PHACTR1: variants seen among roughly 807,000 people sequenced by gnomAD.
PHACTR1 encodes the protein phosphatase and actin regulator 1, also known as RPEL repeat containing 1.
A neutral mutation model predicts 69.2 loss-of-function variants in PHACTR1; 16 were observed. The observed-to-expected ratio is 0.23, with a 90% CI of 0.16 to 0.35. The LOEUF (loss-of-function observed/expected upper bound fraction) is 0.35, where lower values mean the gene tolerates loss of function less well. Among genes scored for constraint, PHACTR1 ranks in the 10% least tolerant of loss-of-function variants. The probability of loss-of-function intolerance (pLI) is 1.00; values close to 1 mark genes in which losing one functional copy is unlikely to be tolerated. For missense variants in PHACTR1, 510 were observed against 734.7 expected, an observed-to-expected ratio of 0.69 and a Z score of 3.54; for synonymous variants, 312 against 284.5, an observed-to-expected ratio of 1.10 and a Z score of -0.97.
chr6:12,799,121 A>G (rs1403208109), intron 4 of PHACTR1, among the ~76,000 whole-genome samples: 1 of 152,246 alleles, frequency 6.6e-6, no homozygotes, highest in Non-Finnish European at 1.5e-5. Context: ...ACTTTTGGGA[A>G]AATGAATATC....
At chr6:13,038,780 G>A (rs1271336142) in intron 4 of PHACTR1, among the ~76,000 whole-genome samples, 1 of 152,144 alleles carries the variant, frequency 6.6e-6, no homozygotes, top group East Asian at 1.9e-4. Flanking sequence ...TCAGTTTAAG[G>A]CTGCTATGTC....
chr6:13,060,480 A>G (rs1807508366), intron 5 of PHACTR1, among the ~76,000 whole-genome samples: 1 of 152,158 alleles, frequency 6.6e-6, no homozygotes, highest in Admixed American at 6.5e-5. Context: ...AATGTGAAAG[A>G]GGCAGTAGAA....
intron 5 of PHACTR1, among the ~76,000 whole-genome samples, chr6:13,077,125 A>T (rs916918554): frequency 6.6e-6 from 1 of 151,416 alleles, no homozygotes; most frequent in Non-Finnish European, 1.5e-5. Context: ...AAAAACACTG[A>T]AGTTGGCTTA....
At chr6:13,199,257 T>A (rs569002185) in intron 7 of PHACTR1, among the ~76,000 whole-genome samples, 1 of 151,750 alleles carries the variant, frequency 6.6e-6, no homozygotes, top group Non-Finnish European at 1.5e-5. Flanking sequence ...CTTGGTGGCG[T>A]GCACCTATAA....
intron 11 of PHACTR1, chr6:13,274,044 C>G (rs574886528): frequency 6.6e-6 from 1 of 152,172 alleles, no homozygotes; most frequent in East Asian, 1.9e-4. Flanking sequence ...GTGACTTGGT[C>G]GGCATTTCGT....
At chr6:12,898,243 A>C (rs1582366043) in intron 4 of PHACTR1, among the ~76,000 whole-genome samples, 1 of 151,874 alleles carries the variant, frequency 6.6e-6, no homozygotes, top group African/African-American at 2.4e-5. Flanking sequence ...CCTGCCCTCT[A>C]CCATTTTCTC....
At position 12,931,004 on chromosome 6, in the gene PHACTR1, A is replaced by G. The variant is rs892809560; in HGVS notation, c.251-122361A>G. Among the ~76,000 whole-genome samples, 3 of 39,526 alleles carry G rather than the reference A, an allele frequency of 7.6e-5. No homozygotes were observed. The African/African-American group carries it at 8.7e-4, about 11-fold the overall frequency. 25.9% of individuals were successfully genotyped at this position (39,526 alleles called of 152,430 possible). A position where few individuals can be genotyped will look rare whatever the true frequency, so the allele number is the denominator to read the frequency against. On this transcript the variant is annotated intron_variant, in intron 4 of 14. Coordinates refer to ENST00000332995, the MANE Select transcript of PHACTR1 (RefSeq NM_030948.6). Reference sequence around the variant, plus strand: ...GGAAACAAGAGCAAAACTCTGTCTCAAAAAAAAAAAAAAAAAAAAAAAGAA... The same window carrying G: ...GGAAACAAGAGCAAAACTCTGTCTCGAAAAAAAAAAAAAAAAAAAAAAGAA...
At chr6:12,813,826 G>A (rs755150688) in intron 4 of PHACTR1, among the ~76,000 whole-genome samples, 4 of 152,196 alleles carry the variant, frequency 2.6e-5, no homozygotes, top group Admixed American at 6.5e-5. Context: ...TTGCCACTCC[G>A]AGTGTGGCCC....
chr6:12,836,441 T>C (rs1778173061), intron 4 of PHACTR1, among the ~76,000 whole-genome samples: 1 of 152,180 alleles, frequency 6.6e-6, no homozygotes, highest in South Asian at 2.1e-4. Context: ...ATTCCCTTGT[T>C]GTATCCTTTT....
At chr6:13,239,362 C>G (rs1233464717) in intron 10 of PHACTR1, among the ~76,000 whole-genome samples, 1 of 152,204 alleles carries the variant, frequency 6.6e-6, no homozygotes, top group Non-Finnish European at 1.5e-5. Flanking sequence ...GGTAATTTGA[C>G]ATCTTTTATG....
chr6:13,182,462 C>G (rs1762298983), intron 6 of PHACTR1, 57 bp from the exon 7 acceptor site: 1 of 1,582,880 alleles, frequency 6.3e-7, no homozygotes, highest in African/African-American at 1.3e-5. Context: ...GGAAGTGCCA[C>G]TCTTTCTTGA....
At chr6:13,159,095 T>C (rs1561917459) in intron 5 of PHACTR1, among the ~76,000 whole-genome samples, 1 of 152,170 alleles carries the variant, frequency 6.6e-6, no homozygotes, top group African/African-American at 2.4e-5. Flanking sequence ...TCCTCACTCC[T>C]GGGTTGTTTC....
At chr6:12,830,054 A>G (rs1777281788) in intron 4 of PHACTR1, among the ~76,000 whole-genome samples, 1 of 148,438 alleles carries the variant, frequency 6.7e-6, no homozygotes, top group Admixed American at 6.7e-5. Flanking sequence ...GAAAGAAGGA[A>G]GGAAGGAAGG....
intron 10 of PHACTR1, among the ~76,000 whole-genome samples, chr6:13,261,943 G>C (rs755503387): frequency 3.9e-5 from 6 of 152,240 alleles, no homozygotes; most frequent in Non-Finnish European, 8.8e-5. Context: ...GCAGATTCTT[G>C]ACAGGCAGGT....
At chr6:13,176,226 A>T (rs1175462652) in intron 6 of PHACTR1, among the ~76,000 whole-genome samples, 2 of 152,216 alleles carry the variant, frequency 1.3e-5, no homozygotes, top group Non-Finnish European at 2.9e-5. Flanking sequence ...AAAGTGAATG[A>T]TCATTAAGTT....
chr6:12,769,637 G>T (rs529139345), intron 4 of PHACTR1, among the ~76,000 whole-genome samples: 5 of 152,302 alleles, frequency 3.3e-5, no homozygotes, highest in African/African-American at 9.6e-5. Flanking sequence ...AACGGTCGTG[G>T]GTACATAGTG....
In PHACTR1 at chr6:13,160,184, T is replaced by G; in HGVS notation, c.416-20T>G. 1 of 1,609,050 alleles carries G rather than the reference T, an allele frequency of 6.2e-7. No homozygotes were observed. On this transcript the variant is annotated intron_variant, in intron 5 of 14. Coordinates refer to ENST00000332995, the MANE Select transcript of PHACTR1 (RefSeq NM_030948.6). The stretch of plus-strand genomic sequence containing the variant: ...TGTTACCTACTCACATCTGCCTCCC[T>G]GTTTGTCTTTTGTTTGTAGCCCTGG...
chr6:12,734,659 G>A (rs9472446), intron 3 of PHACTR1, among the ~76,000 whole-genome samples: 47,931 of 152,026 alleles, frequency 0.32, 8,140 homozygotes, highest in Middle Eastern at 0.45. Context: ...GTACCACAAG[G>A]TGAGCAGAGA....
chr6:12,825,801 C>T (rs771918619), intron 4 of PHACTR1, among the ~76,000 whole-genome samples: 7 of 152,164 alleles, frequency 4.6e-5, no homozygotes, highest in Admixed American at 1.3e-4. Context: ...TAGGGTACTG[C>T]CTTTCCTCTC....
Sources: gnomAD v4.1 joint callset for allele counts (sites outside exome capture counted in the v4.1 genomes callset) on GRCh38, gnomAD v4.1.1 for gene constraint, MANE v1.5 for transcripts, NCBI Gene and HGNC (gene_info 2026-07-23, HGNC 2026-07-21) for gene names.